The following ANTXRL variants were observed in gnomAD, a reference collection of about 807,000 sequenced individuals.
The protein encoded by ANTXRL is anthrax toxin receptor-like.
A neutral mutation model predicts 75.4 loss-of-function variants in ANTXRL; 63 were observed. The observed-to-expected ratio is 0.84, with a 90% CI of 0.68 to 1.03. ANTXRL has a LOEUF of 1.03. Ranked by LOEUF, ANTXRL falls within the 50% of genes least tolerant of loss-of-function variation. The pLI is 0.00. For missense variants in ANTXRL, 797 were observed against 789.4 expected (o/e 1.01, Z -0.12); for synonymous variants, 335 against 291.3 (o/e 1.15, Z -1.53).
rs1484340274 is a variant in ANTXRL, at chr10:46,314,604, C to A, written c.1410+1288C>A. Among the ~76,000 whole-genome samples, 26 of 152,136 alleles carry A rather than the reference C, an allele frequency of 1.7e-4. 1 individual carries two copies. The highest frequency in any genetic ancestry group is 6.3e-4 in the African/African-American group (26 of 41,482). On this transcript the variant is annotated intron_variant, in intron 16 of 16. Transcript: ENST00000620264. ...AGCAAGTCGCTGAAATTGTCTCATT[C>A]CCAAGGGCAGCTCTTTGAAGCTAAG... is the stretch of plus-strand genomic sequence containing the variant.
intron 2 of ANTXRL, 130 bp from the exon 3 acceptor site, chr10:46,293,699 C>T: frequency 2.7e-6 from 2 of 749,948 alleles, no homozygotes; most frequent in Non-Finnish European, 4.4e-6. Flanking sequence ...CTACATTTAT[C>T]TCACCTCCTT....
intron 9 of ANTXRL, among the ~76,000 whole-genome samples, chr10:46,298,946 G>C (rs1479072478): frequency 2.0e-5 from 3 of 151,484 alleles, no homozygotes; most frequent in African/African-American, 7.3e-5. Context: ...AATATGCGGG[G>C]GTGGTGGTGT....
At chr10:46,312,159 G>A (rs2132826245) in intron 15 of ANTXRL, among the ~76,000 whole-genome samples, 1 of 150,628 alleles carries the variant, frequency 6.6e-6, no homozygotes, top group East Asian at 1.9e-4. Context: ...TGCCAGCCCG[G>A]GCAGCAGAAT....
At chr10:46,306,180 CT>C (rs1838072259) in intron 10 of ANTXRL, among the ~76,000 whole-genome samples, 1 of 152,214 alleles carries the variant, frequency 6.6e-6, no homozygotes, top group Admixed American at 6.5e-5. Flanking sequence ...GGCTCCTCAT[CT>C]TTTTAATCTC....
In ANTXRL at chr10:46,329,913, C is replaced by G; in HGVS notation, c.1725C>G (p.Ser575Arg). 29 of 1,535,762 alleles carry G rather than the reference C, an allele frequency of 1.9e-5. 1 individual carries two copies. Among genetic ancestry groups the G allele is most frequent in the Non-Finnish European group, 2.5e-5 (29 of 1,146,698 alleles). ...CACAGACTCTGTGCAACCCAAAGAG[C>G]TGCCTTCAACCCAGCCGGGAGTGCC... ...SQAQTLCNPKSCLQPSRECLP... is the reference protein window; with the variant it reads ...SQAQTLCNPKRCLQPSRECLP... Residue 575 changes from serine to arginine, a missense_variant, in exon 17 of 17, where the codon AGC becomes AGG. Coordinates refer to ENST00000620264, the MANE Select transcript of ANTXRL (RefSeq NM_001278688.3).
intron 14 of ANTXRL, among the ~76,000 whole-genome samples, chr10:46,311,170 C>T (rs1221983901): frequency 2.3e-4 from 35 of 152,098 alleles, no homozygotes; most frequent in Non-Finnish European, 5.9e-5. Context: ...AGGGTGGCCT[C>T]TGCGGTGCTG....
rs1554967153 is a variant in ANTXRL at position 46,329,700 on chromosome 10, A to G, written c.1512A>G (p.Pro504=). Residue 504 remains proline, a synonymous_variant, in exon 17 of 17, where the codon CCA becomes CCG. Transcript: ENST00000620264. ...ACAGCCAGGAGTGCCTTTCCCTACC[A>G]CAGGCTCCCTGCAGCCCAAGGATGT... ...FPHSQECLSL[P]QAPCSPRMCL... is the part of the protein sequence containing the mutation. 5 of 1,535,656 alleles carry G rather than the reference A, an allele frequency of 3.3e-6. No individual in the cohort carries two copies. The highest frequency in any genetic ancestry group is 2.4e-5 in the East Asian group (1 of 40,906).
At position 46,292,049 on chromosome 10, in the gene ANTXRL, T is replaced by G. The variant is rs782103122; in HGVS notation, c.249-9T>G. ...TCATCTCCCTGACCCACATCTCCTT[T>G]TGTTTTAGGTCTGGCAGCGTGAACA... On this transcript the variant is annotated splice_polypyrimidine_tract_variant and intron_variant, in intron 1 of 16. Coordinates refer to ENST00000620264, the MANE Select transcript of ANTXRL (RefSeq NM_001278688.3). The G allele has an allele frequency of 2.0e-6, 3 of 1,535,988 alleles. No homozygotes were observed. In the South Asian group the frequency reaches 3.6e-5, roughly 18 times the overall value.
chr10:46,321,003 G>A (rs1449860588), intron 16 of ANTXRL, among the ~76,000 whole-genome samples: 1 of 152,180 alleles, frequency 6.6e-6, no homozygotes, highest in Non-Finnish European at 1.5e-5. Flanking sequence ...TTATTAATTG[G>A]AAATGTTAGA....
intron 16 of ANTXRL, among the ~76,000 whole-genome samples, chr10:46,319,507 T>C (rs1203798131): frequency 2.0e-5 from 3 of 152,150 alleles, no homozygotes; most frequent in Non-Finnish European, 2.9e-5. Context: ...ATGTTTCTTA[T>C]GAAGCAAACT....
chr10:46,312,847 G>A (rs1198886304), intron 15 of ANTXRL, among the ~76,000 whole-genome samples: 4 of 151,170 alleles, frequency 2.6e-5, no homozygotes, highest in Non-Finnish European at 5.9e-5. Flanking sequence ...CCTCTCACCT[G>A]CCTTCCCCTT....
intron 16 of ANTXRL, among the ~76,000 whole-genome samples, chr10:46,314,270 C>T (rs1554964261): frequency 6.6e-6 from 1 of 152,112 alleles, no homozygotes; most frequent in Non-Finnish European, 1.5e-5. Context: ...ATGCAGGGCT[C>T]CTCCAGCCGC....
chr10:46,311,372 C>T (rs546827647), intron 14 of ANTXRL, 138 bp from the exon 15 acceptor site: 15 of 1,235,696 alleles, frequency 1.2e-5, no homozygotes, highest in African/African-American at 4.7e-5. Context: ...GAGGAGTTTG[C>T]GTGTTTTTCA....
intron 16 of ANTXRL, among the ~76,000 whole-genome samples, chr10:46,324,033 G>A (rs7899396): frequency 0.66 from 99,980 of 151,854 alleles, 32,806 homozygotes; most frequent in African/African-American, 0.77. Context: ...TCAGCAGTCA[G>A]GTCATGTCCC....
intron 14 of ANTXRL, 104 bp from the exon 15 acceptor site, chr10:46,311,406 G>A: frequency 7.1e-7 from 1 of 1,404,052 alleles, no homozygotes; most frequent in Non-Finnish European, 9.3e-7. Flanking sequence ...CCACTGTGGT[G>A]TGGGTTTCTT....
chr10:46,295,947 C>G, intron 3 of ANTXRL, 72 bp from the exon 4 acceptor site: 1 of 1,298,418 alleles, frequency 7.7e-7, no homozygotes, highest in South Asian at 1.3e-5. Context: ...CAGTGGCTCC[C>G]GGAGAGCTTG....
At chr10:46,302,687 T>C (rs782716109) in intron 9 of ANTXRL, 35 bp from the exon 10 acceptor site, 1 of 1,476,916 alleles carries the variant, frequency 6.8e-7, no homozygotes, top group South Asian at 1.2e-5. Flanking sequence ...CCCCCTACTC[T>C]TCCTCACTCA....
chr10:46,310,470 G>A lies in ANTXRL; in HGVS notation c.1144G>A (p.Glu382Lys), dbSNP rs1565040065. Reference protein sequence around the residue: ...WRLCRKQTVKEPPPVQKPEKE... With the variant: ...WRLCRKQTVKKPPPVQKPEKE... ...CTTTTGAACATTCTAGACTGTCAAG[G>A]AGCCACCACCTGTGCAGAAGCCAGA... Residue 382 changes from glutamate (E) to lysine (K), a missense_variant, in exon 14 of 17, where the codon GAG (glutamate) becomes AAG (lysine). By Grantham distance (56) the Glu-to-Lys change is moderately conservative. Coordinates refer to ENST00000620264, the MANE Select transcript of ANTXRL (RefSeq NM_001278688.3). 1 of 1,536,344 alleles carries A rather than the reference G, an allele frequency of 6.5e-7. No individual in the cohort carries two copies. The highest frequency in any genetic ancestry group is 8.7e-7 in the Non-Finnish European group (1 of 1,146,816).
intron 16 of ANTXRL, among the ~76,000 whole-genome samples, chr10:46,322,236 G>A (rs1444326328): frequency 6.6e-6 from 1 of 152,050 alleles, no homozygotes; most frequent in Non-Finnish European, 1.5e-5. Context: ...AAGGAAGGTG[G>A]ATCACAAGGT....
Sources: gnomAD v4.1 joint callset for allele counts (sites outside exome capture counted in the v4.1 genomes callset) on GRCh38, gnomAD v4.1.1 for gene constraint, MANE v1.5 for transcripts, NCBI Gene and HGNC (gene_info 2026-07-23, HGNC 2026-07-21) for gene names.